The following STON2 variants were observed in gnomAD, a reference collection of about 807,000 sequenced individuals.
STON2 encodes the protein stonin-2.
In STON2, 29 loss-of-function variants were observed where a neutral mutation model predicts 65.7. That is an observed-to-expected ratio of 0.44 (90% CI 0.33 to 0.60). STON2 has a LOEUF of 0.60. Among genes scored for constraint, STON2 ranks in the 20% least tolerant of loss-of-function variants. The probability of loss-of-function intolerance (pLI) is 0.03; values close to 1 mark genes in which losing one functional copy is unlikely to be tolerated. For synonymous variants in STON2, 404 were observed against 414.2 expected, an observed-to-expected ratio of 0.98 and a Z score of 0.30; for missense variants, 1,054 against 1,118.1, an observed-to-expected ratio of 0.94 and a Z score of 0.82.
intron 4 of STON2, among the ~76,000 whole-genome samples, chr14:81,366,849 C>T (rs533844390): frequency 1.3e-5 from 2 of 152,040 alleles, no homozygotes; most frequent in Admixed American, 1.3e-4. Context: ...TTTATTCCTA[C>T]AGCACTTGGC....
Position 81,332,180 on chromosome 14 carries a change from G to C in STON2, c.572-7993C>G, listed in dbSNP as rs1389648248. On this transcript the variant is annotated intron_variant, in intron 4 of 7. Coordinates refer to ENST00000614646, the MANE Select transcript of STON2 (RefSeq NM_001394390.1). ...TGGGCCTCCCTGAGCCGCTGCCACA[G>C]ATGGGCACTTTTCGGGCCAGATCTT... 2.0e-5 allele frequency among the ~76,000 whole-genome samples: 3 copies of C among 152,292 alleles called. No homozygotes were observed. The East Asian group carries it at 5.8e-4, about 29-fold the overall frequency.
chr14:81,326,555 C>G (rs1370047511), intron 4 of STON2, among the ~76,000 whole-genome samples: 3 of 152,162 alleles, frequency 2.0e-5, no homozygotes, highest in Non-Finnish European at 2.9e-5. Flanking sequence ...CCAACATACT[C>G]TACGGTGTAC....
In STON2 at chr14:81,265,464, G is replaced by T; in HGVS notation, c.*2950C>A. The T allele has an allele frequency of 3.9e-6, 2 of 514,378 alleles. No homozygotes were observed. Among genetic ancestry groups the T allele is most frequent in the Non-Finnish European group, 5.0e-6 (2 of 400,162 alleles). The allele number at this position is 514,378 out of a possible 1,614,324, so 31.9% of individuals were successfully genotyped here. A position where few individuals can be genotyped will look rare whatever the true frequency, so the allele number is the denominator to read the frequency against. ...GAGGTCAGACATTCGAGACCAGCCT[G>T]GCCAACATGGTGAAACCCCATCTCT... On this transcript the variant is annotated 3_prime_UTR_variant, in exon 8 of 8. Coordinates refer to ENST00000614646, the MANE Select transcript of STON2 (RefSeq NM_001394390.1).
In STON2 at chr14:81,422,227, G is replaced by C. The variant is rs74066457; in HGVS notation, c.-199+4875C>G. Among the ~76,000 whole-genome samples, 1,230 of 152,216 alleles carry C rather than the reference G, an allele frequency of 8.1e-3. 13 individuals are homozygous for C. The highest frequency in any genetic ancestry group is 0.026 in the African/African-American group (1,098 of 41,520). On this transcript the variant is annotated intron_variant, in intron 2 of 8. Coordinates refer to the STON2 transcript ENST00000553821. The stretch of plus-strand genomic sequence containing the variant: ...TGAATGGCTTGGTACCATTCTCACA[G>C]GAGTGAGTGAGTTCTCACTCAGTTC...
intron 5 of STON2, among the ~76,000 whole-genome samples, chr14:81,284,021 G>A (rs1895236657): frequency 6.6e-6 from 1 of 152,020 alleles, no homozygotes; most frequent in Non-Finnish European, 1.5e-5. Flanking sequence ...ACTGTTTTGG[G>A]GCACCATAAA....
At chr14:81,379,163 T>C (rs1899394876) in intron 3 of STON2, among the ~76,000 whole-genome samples, 1 of 152,244 alleles carries the variant, frequency 6.6e-6, no homozygotes, top group African/African-American at 2.4e-5. Context: ...TTAATAATGT[T>C]AGCAAGGTAT....
intron 4 of STON2, among the ~76,000 whole-genome samples, chr14:81,346,675 A>G (rs961320579): frequency 5.9e-5 from 9 of 152,230 alleles, no homozygotes; most frequent in Admixed American, 5.9e-4. Context: ...CCTATGTTAG[A>G]CCACAAAACA....
In STON2 at chr14:81,435,688, TGCACACACACGCACACGCGC is replaced by T. The variant is rs541380895; in HGVS notation, c.-310+613_-310+632del. Reference sequence around the variant, plus strand: ...ACGGACGCGCACACACACGCACGAATGCACACACACGCACACGCGCGCGCACACACGCACTCTCATCTTCA... The same window carrying T: ...ACGGACGCGCACACACACGCACGAATGCGCACACACGCACTCTCATCTTCA... On this transcript the variant is annotated intron_variant, in intron 1 of 8. Transcript: ENST00000553821. 8.1e-3 allele frequency among the ~76,000 whole-genome samples: 1,228 copies of T among 150,776 alleles called. 15 individuals are homozygous for T. The highest frequency in any genetic ancestry group is 0.012 in the Non-Finnish European group (783 of 67,962).
At chr14:81,289,508 G>A (rs941159433) in intron 5 of STON2, among the ~76,000 whole-genome samples, 3 of 152,162 alleles carry the variant, frequency 2.0e-5, no homozygotes, top group African/African-American at 7.2e-5. Flanking sequence ...GAAGACAGCT[G>A]TTCTATAACC....
intron 4 of STON2, among the ~76,000 whole-genome samples, chr14:81,358,608 G>A (rs1237313976): frequency 1.3e-5 from 2 of 151,948 alleles, no homozygotes; most frequent in African/African-American, 2.4e-5. Flanking sequence ...AAGAGTGACT[G>A]CATGGATAAA....
Position 81,263,805 on chromosome 14 carries a change from C to T in STON2, c.*4609G>A. On this transcript the variant is annotated 3_prime_UTR_variant, in exon 8 of 8. Transcript: ENST00000614646. ...GCAGGCTGGATGGTAGTGCTTCCTA[C>T]TTAAACCAATTTAATATTCCCAAGG... is the stretch of plus-strand genomic sequence containing the variant. 1 of 985,392 alleles carries T rather than the reference C, an allele frequency of 1.0e-6. No individual in the cohort carries two copies. The highest frequency in any genetic ancestry group is 1.2e-6 in the Non-Finnish European group (1 of 829,918). 61.0% of individuals were successfully genotyped at this position (985,392 alleles called of 1,614,324 possible).
chr14:81,401,547 A>G (rs968199587), upstream of STON2, among the ~76,000 whole-genome samples: 2 of 152,216 alleles, frequency 1.3e-5, no homozygotes, highest in Non-Finnish European at 2.9e-5. Flanking sequence ...AACCCACAGA[A>G]GAACCCAATA....
At chr14:81,366,784 C>T (rs138575278) in intron 4 of STON2, among the ~76,000 whole-genome samples, 77 of 152,070 alleles carry the variant, frequency 5.1e-4, no homozygotes, top group African/African-American at 1.8e-3. Context: ...AGTAATTATC[C>T]TTATGCCCCA....
chr14:81,279,449 G>C, intron 5 of STON2, among the ~76,000 whole-genome samples: 1 of 152,188 alleles, frequency 6.6e-6, no homozygotes, highest in East Asian at 1.9e-4. Flanking sequence ...CCAGCACTTT[G>C]GGAGGCCGAG....
chr14:81,389,463 T>A (rs1345746423), intron 3 of STON2, among the ~76,000 whole-genome samples: 1 of 152,178 alleles, frequency 6.6e-6, no homozygotes, highest in African/African-American at 2.4e-5. Flanking sequence ...CCAAAATAGA[T>A]CTAACATCTG....
At chr14:81,411,171 A>G (rs1901139158) in intron 2 of STON2, among the ~76,000 whole-genome samples, 1 of 152,208 alleles carries the variant, frequency 6.6e-6, no homozygotes, top group Non-Finnish European at 1.5e-5. Context: ...GGCCAATGGC[A>G]ATTCAACCAG....
At chr14:81,349,763 G>T (rs1897953717) in intron 4 of STON2, among the ~76,000 whole-genome samples, 2 of 151,992 alleles carry the variant, frequency 1.3e-5, no homozygotes, top group South Asian at 2.1e-4. Flanking sequence ...TTTATCAAAG[G>T]TGTATCAGCA....
intron 1 of STON2, among the ~76,000 whole-genome samples, chr14:81,430,127 T>C (rs1902167386): frequency 6.6e-6 from 1 of 152,034 alleles, no homozygotes; most frequent in Non-Finnish European, 1.5e-5. Flanking sequence ...TCCTTCTCCA[T>C]CCAGCCCGGA....
Position 81,333,406 on chromosome 14 carries a change from C to G in STON2, c.572-9219G>C, listed in dbSNP as rs1217266102. On this transcript the variant is annotated intron_variant, in intron 4 of 7. Coordinates refer to ENST00000614646, the MANE Select transcript of STON2 (RefSeq NM_001394390.1). ...ACAGCCAGGGAGGCTATTCTAAGAG[C>G]TTTAAATACGTTTTTTTCATTCAGT... 7 of 392,790 alleles carry G rather than the reference C, an allele frequency of 1.8e-5. No homozygotes were observed. In the South Asian group the frequency reaches 2.2e-4, roughly 13 times the overall value. The allele number at this position is 392,790 out of a possible 1,614,324, so 24.3% of individuals were successfully genotyped here. A position where few individuals can be genotyped will look rare whatever the true frequency, so the allele number is the denominator to read the frequency against.
Sources: gnomAD v4.1 joint callset for allele counts (sites outside exome capture counted in the v4.1 genomes callset) on GRCh38, gnomAD v4.1.1 for gene constraint, MANE v1.5 for transcripts, NCBI Gene and HGNC (gene_info 2026-07-23, HGNC 2026-07-21) for gene names.